The following CD84 variants were observed in gnomAD, a reference collection of about 807,000 sequenced individuals.
CD84 encodes the protein CD84 molecule.
CD84 carries 22 observed loss-of-function variants against 33.8 expected under a neutral mutation model. The ratio of observed to expected loss-of-function variants is 0.65; its 90% confidence interval spans 0.46 to 0.93. The LOEUF is 0.93. CD84 is among the 40% of genes least tolerant of loss of function. CD84 has a pLI of 0.00. For missense variants in CD84, 400 were observed against 397.6 expected (o/e 1.01, Z -0.05); for synonymous variants, 154 against 145.2 (o/e 1.06, Z -0.44).
intron 1 of CD84, among the ~76,000 whole-genome samples, chr1:160,577,265 T>C (rs955217416): frequency 2.0e-5 from 3 of 152,174 alleles, no homozygotes; most frequent in Non-Finnish European, 4.4e-5. Flanking sequence ...CTGCTCTGAA[T>C]TCCAGGGAAA....
At chr1:160,554,174 G>A (rs779862695) in intron 2 of CD84, 28 bp from the exon 3 acceptor site, 1 of 1,584,984 alleles carries the variant, frequency 6.3e-7, no homozygotes, top group South Asian at 1.2e-5. Context: ...TGAGCCAATA[G>A]TGAGCTGGAG....
At chr1:160,570,656 T>C (rs557034703) in intron 1 of CD84, among the ~76,000 whole-genome samples, 1 of 151,900 alleles carries the variant, frequency 6.6e-6, no homozygotes, top group South Asian at 2.1e-4. Context: ...AGTCCAGGAG[T>C]GCGAGACCAG....
intron 4 of CD84, chr1:160,552,645 G>A (rs1159619426): frequency 8.3e-7 from 1 of 1,198,154 alleles, no homozygotes; most frequent in Non-Finnish European, 1.2e-6. Context: ...TAACCACTCT[G>A]TTGGGAACTC....
chr1:160,550,115 G>C (rs1324144875), intron 5 of CD84, 136 bp from the exon 6 acceptor site: 1 of 702,238 alleles, frequency 1.4e-6, no homozygotes, highest in Non-Finnish European at 2.6e-6. Context: ...CCTCAGTTCT[G>C]CCTCCATCCA....
chr1:160,545,540 A>T lies in CD84; in HGVS notation c.*2716T>A, dbSNP rs1294929167. 2.6e-5 allele frequency: 4 copies of T among 152,110 alleles called. No homozygotes were observed. In the East Asian group the frequency reaches 7.7e-4, roughly 29 times the overall value. 9.4% of individuals were successfully genotyped at this position (152,110 alleles called of 1,614,324 possible). A position where few individuals can be genotyped will look rare whatever the true frequency, so the allele number is the denominator to read the frequency against. ...GGTTAGGTGCTTCAGCTGACCTCTT[A>T]GTTGGTCTGCCTAACTCTGAAAGTC... On this transcript the variant is annotated 3_prime_UTR_variant, in exon 7 of 7. Transcript: ENST00000368054.
Position 160,553,577 on chromosome 1 carries a change from G to A in CD84, c.641-80C>T, listed in dbSNP as rs1656394164. On this transcript the variant is annotated intron_variant, in intron 3 of 6. Transcript: ENST00000368054. ...TGGGCAGGTTTGCCCACAGTCAGGG[G>A]CATTATGAAAATTGGGTGCCCTCCG... The A allele has an allele frequency of 1.9e-6, 3 of 1,544,090 alleles. No individual in the cohort carries two copies. In the South Asian group the frequency reaches 3.4e-5, roughly 17 times the overall value.
intron 2 of CD84, among the ~76,000 whole-genome samples, chr1:160,554,641 A>T (rs887176526): frequency 4.6e-5 from 7 of 152,248 alleles, no homozygotes; most frequent in Admixed American, 3.3e-4. Context: ...TTTGGAAACC[A>T]TTATCCAATT....
At chr1:160,554,996 C>T (rs1557973004) in intron 2 of CD84, among the ~76,000 whole-genome samples, 1 of 151,292 alleles carries the variant, frequency 6.6e-6, no homozygotes, top group African/African-American at 2.4e-5. Flanking sequence ...TTGTACTAAA[C>T]ATAAATTTTA....
intron 1 of CD84, among the ~76,000 whole-genome samples, chr1:160,570,697 C>T (rs1373372688): frequency 1.4e-4 from 21 of 151,932 alleles, no homozygotes; most frequent in Admixed American, 1.4e-3. Flanking sequence ...CCTGTCTCTA[C>T]AAAAAAGTAC....
chr1:160,572,721 C>T (rs1312018574), intron 1 of CD84, among the ~76,000 whole-genome samples: 3 of 152,080 alleles, frequency 2.0e-5, no homozygotes, highest in South Asian at 2.1e-4. Context: ...AGTGTGATTT[C>T]GTGACCTTCT....
intron 1 of CD84, chr1:160,571,079 C>T (rs1452072875): frequency 6.6e-6 from 1 of 152,028 alleles, no homozygotes; most frequent in Non-Finnish European, 1.5e-5. Context: ...TGTGAACTGC[C>T]AACTCCGCAC....
At chr1:160,571,858 C>T (rs899135818) in intron 1 of CD84, among the ~76,000 whole-genome samples, 3 of 152,150 alleles carry the variant, frequency 2.0e-5, no homozygotes, top group African/African-American at 7.2e-5. Flanking sequence ...GTCCAGGGGC[C>T]TTGCCTTAAA....
Position 160,553,513 on chromosome 1 carries a change from G to A in CD84, c.641-16C>T, listed in dbSNP as rs757525724. 1.2e-6 allele frequency: 2 copies of A among 1,613,964 alleles called. No homozygotes were observed. Among genetic ancestry groups the A allele is most frequent in the African/African-American group, 2.7e-5 (2 of 75,048 alleles). ...ATTGCGATGTCTGGAAATAGAAGAT[G>A]CAGTGAGTCTTGATTCTCAGGAAAT... On this transcript the variant is annotated splice_polypyrimidine_tract_variant and intron_variant, in intron 3 of 6. Coordinates refer to ENST00000368054, the MANE Select transcript of CD84 (RefSeq NM_003874.4).
rs4145897 is a variant in CD84 at position 160,543,383 on chromosome 1, G to C, written c.*4873C>G. 4 of 152,152 alleles carry C rather than the reference G, an allele frequency of 2.6e-5. No homozygotes were observed. Among genetic ancestry groups the C allele is most frequent in the African/African-American group, 9.6e-5 (4 of 41,522 alleles). The allele number at this position is 152,152 out of a possible 1,614,324, so 9.4% of individuals were successfully genotyped here. A position where few individuals can be genotyped will look rare whatever the true frequency, so the allele number is the denominator to read the frequency against. ...ACAAGTGCATGGCCCTTGGTGACAA[G>C]AAGTCTTGAATTCAAATACTGTCTT... On this transcript the variant is annotated 3_prime_UTR_variant, in exon 7 of 7. Coordinates refer to ENST00000368054, the MANE Select transcript of CD84 (RefSeq NM_003874.4).
chr1:160,564,222 A>G (rs1657175991), intron 2 of CD84, among the ~76,000 whole-genome samples: 1 of 152,210 alleles, frequency 6.6e-6, no homozygotes, highest in South Asian at 2.1e-4. Context: ...AATTCAAATT[A>G]AAACTAAATT....
chr1:160,563,265 T>C (rs756841105), intron 2 of CD84, among the ~76,000 whole-genome samples: 1 of 152,168 alleles, frequency 6.6e-6, no homozygotes, highest in Non-Finnish European at 1.5e-5. Context: ...CCAAAGAATA[T>C]AAATCATTCT....
At chr1:160,572,679 G>C (rs916569592) in intron 1 of CD84, among the ~76,000 whole-genome samples, 1 of 152,152 alleles carries the variant, frequency 6.6e-6, no homozygotes, top group African/African-American at 2.4e-5. Flanking sequence ...CAGTGAAGAA[G>C]TGGTAACCCA....
At chr1:160,551,104 T>G (rs951976536) in intron 4 of CD84, 69 bp from the exon 5 acceptor site, 1 of 1,133,112 alleles carries the variant, frequency 8.8e-7, no homozygotes, top group Non-Finnish European at 1.3e-6. Context: ...TCTATTCCAA[T>G]GTTCTCTTTT....
chr1:160,542,659 C>G lies in CD84; in HGVS notation c.*5597G>C, dbSNP rs770779162. 4 of 152,198 alleles carry G rather than the reference C, an allele frequency of 2.6e-5. No individual in the cohort carries two copies. Among genetic ancestry groups the G allele is most frequent in the African/African-American group, 9.6e-5 (4 of 41,460 alleles). The allele number at this position is 152,198 out of a possible 1,614,324, so 9.4% of individuals were successfully genotyped here. A position where few individuals can be genotyped will look rare whatever the true frequency, so the allele number is the denominator to read the frequency against. On this transcript the variant is annotated 3_prime_UTR_variant, in exon 7 of 7. Transcript: ENST00000368054. Reference sequence around the variant, plus strand: ...AATTGATCCATCCCAAACCCAGAGACTTGTACAGGGCTGTTGAGAACTGTC... The same window carrying G: ...AATTGATCCATCCCAAACCCAGAGAGTTGTACAGGGCTGTTGAGAACTGTC...
Sources: allele counts gnomAD v4.1 joint callset (sites outside exome capture counted in the v4.1 genomes callset), GRCh38; gene constraint gnomAD v4.1.1; transcripts MANE v1.5; gene names NCBI Gene and HGNC (gene_info 2026-07-23, HGNC 2026-07-21).